The following HDHD5 variants were observed in gnomAD, a reference collection of about 807,000 sequenced individuals.
HDHD5 encodes the protein haloacid dehalogenase-like hydrolase domain-containing 5.
Under a neutral mutation model 35.5 loss-of-function variants are expected in HDHD5, and 34 were observed. The observed-to-expected ratio is 0.96, with a 90% CI of 0.73 to 1.28. The LOEUF (loss-of-function observed/expected upper bound fraction) is 1.28. HDHD5 is among the 50% of genes most tolerant of loss of function. HDHD5 has a pLI of 0.00. For synonymous variants in HDHD5, 248 were observed against 240.6 expected, an observed-to-expected ratio of 1.03 and a Z score of -0.29; for missense variants, 589 against 560.2, an observed-to-expected ratio of 1.05 and a Z score of -0.52.
At chr22:17,145,452 C>A (rs2061651609) in intron 3 of HDHD5, among the ~76,000 whole-genome samples, 1 of 152,140 alleles carries the variant, frequency 6.6e-6, no homozygotes, top group African/African-American at 2.4e-5. Context: ...GCCTGAAATC[C>A]CAGCACTTTG....
At chr22:17,145,212 C>A (rs1568942803) in intron 3 of HDHD5, 95 bp from the exon 4 acceptor site, 1 of 1,554,346 alleles carries the variant, frequency 6.4e-7, no homozygotes, top group African/African-American at 1.4e-5. Context: ...CAACCCACTC[C>A]TGATCAAGCC....
At chr22:17,158,920 G>A (rs2061834453) in intron 1 of HDHD5, 1 of 375,070 alleles carries the variant, frequency 2.7e-6, no homozygotes, top group Admixed American at 5.0e-5. Flanking sequence ...CGCGGGAGTA[G>A]CGTTTCCGAG....
At position 17,137,978 on chromosome 22, in the gene HDHD5, C is replaced by T; in HGVS notation, c.*43G>A. ...GCCAGAGCCCAGCCAATGGGACTCG[C>T]CCACAGGTCCAGGCTCACCCCCTCA... On this transcript the variant is annotated 3_prime_UTR_variant, in exon 8 of 8. Transcript: ENST00000336737. 1 of 1,532,046 alleles carries T rather than the reference C, an allele frequency of 6.5e-7. No homozygotes were observed. 94.9% of individuals were successfully genotyped at this position (1,532,046 alleles called of 1,614,324 possible).
intron 4 of HDHD5, 134 bp downstream of exon 4, chr22:17,144,890 G>GC: frequency 9.2e-7 from 1 of 1,087,716 alleles, no homozygotes; most frequent in South Asian, 1.4e-5. Context: ...AAAACCCTTA[G>GC]CCAGATGTGC....
intron 5 of HDHD5, 35 bp from the exon 6 acceptor site, chr22:17,141,268 G>A: frequency 6.4e-7 from 1 of 1,557,046 alleles, no homozygotes; most frequent in Non-Finnish European, 8.6e-7. Context: ...AGGGCTGCAG[G>A]GCAGATGGCA....
intron 3 of HDHD5, among the ~76,000 whole-genome samples, 195 bp downstream of exon 3, chr22:17,148,253 T>C (rs916424239): frequency 1.3e-5 from 2 of 152,142 alleles, no homozygotes; most frequent in Non-Finnish European, 2.9e-5. Flanking sequence ...TGCAGGGGTA[T>C]GAGAACTGGC....
intron 1 of HDHD5, among the ~76,000 whole-genome samples, chr22:17,152,694 T>C (rs1189859841): frequency 2.6e-5 from 4 of 151,946 alleles, no homozygotes; most frequent in African/African-American, 7.3e-5. Context: ...TACTTAATAA[T>C]GGACCACACA....
At position 17,138,756 on chromosome 22, in the gene HDHD5, G is replaced by A. The variant is rs779251158; in HGVS notation, c.747-18C>T. The A allele has an allele frequency of 9.9e-6, 16 of 1,613,752 alleles. No homozygotes were observed. Among genetic ancestry groups the A allele is most frequent in the African/African-American group, 8.0e-5 (6 of 74,928 alleles). ...GTCCAAACCTGCCAGAAACGAGCAC[G>A]CAGCAGTTCAGTCTTCCTGATCTCC... is the stretch of plus-strand genomic sequence containing the variant. On this transcript the variant is annotated intron_variant, in intron 6 of 7. Transcript: ENST00000336737.
chr22:17,140,329 T>C (rs1189339059), intron 6 of HDHD5, among the ~76,000 whole-genome samples: 1 of 152,166 alleles, frequency 6.6e-6, no homozygotes, highest in Admixed American at 6.6e-5. Context: ...ACAGGACACA[T>C]GACACCAACA....
At chr22:17,163,286 C>T (rs562326639), upstream of HDHD5, among the ~76,000 whole-genome samples, 21 of 152,264 alleles carry the variant, frequency 1.4e-4, no homozygotes, top group Non-Finnish European at 2.6e-4. Flanking sequence ...ACTTGCCCCA[C>T]CTTGCTACCT....
At chr22:17,151,259 T>C (rs1419583321) in intron 1 of HDHD5, among the ~76,000 whole-genome samples, 1 of 152,254 alleles carries the variant, frequency 6.6e-6, no homozygotes, top group Non-Finnish European at 1.5e-5. Context: ...TTAAAAATCA[T>C]TCCATTTCTC....
intron 1 of HDHD5, among the ~76,000 whole-genome samples, chr22:17,157,356 C>T (rs2061810210): frequency 6.6e-6 from 1 of 151,070 alleles, no homozygotes; most frequent in African/African-American, 2.4e-5. Context: ...CAACCTCCCT[C>T]CCAGGTTCAA....
intron 5 of HDHD5, chr22:17,142,885 G>A (rs541353751): frequency 1.5e-5 from 8 of 517,826 alleles, no homozygotes; most frequent in Admixed American, 4.2e-5. Context: ...CTAAGCTTAC[G>A]GTTTTCCTGG....
chr22:17,159,237 GC>G lies in HDHD5; in HGVS notation c.14del (p.Gly5AlafsTer59), dbSNP rs2061841140. On this transcript the variant is annotated frameshift_variant, in exon 1 of 8. Transcript: ENST00000336737. LOFTEE classifies it high-confidence loss of function. ...GCGCCGCGCCGAGCGCAGCCACACA[GC>G]CCCACGCAGCCATCCGGCCGTCGCC... Reference protein sequence around the residue: MAAWGCVAALGAARG... With the variant: MAAWXCVAALGAARG... 2 of 1,215,982 alleles carry G rather than the reference GC, an allele frequency of 1.6e-6. No individual in the cohort carries two copies. The highest frequency in any genetic ancestry group is 2.0e-6 in the Non-Finnish European group (2 of 977,894). 75.3% of individuals were successfully genotyped at this position (1,215,982 alleles called of 1,614,324 possible). A position where few individuals can be genotyped will look rare whatever the true frequency, so the allele number is the denominator to read the frequency against.
chr22:17,147,343 CCCA>C (rs1419408483), intron 3 of HDHD5, among the ~76,000 whole-genome samples: 2 of 100,624 alleles, frequency 2.0e-5, no homozygotes, highest in African/African-American at 8.4e-5. Flanking sequence ...TCGCACACGC[CCCA>C]CACCTGTGGC....
At chr22:17,140,564 G>A (rs1050737283) in intron 6 of HDHD5, among the ~76,000 whole-genome samples, 1 of 152,110 alleles carries the variant, frequency 6.6e-6, no homozygotes, top group African/African-American at 2.4e-5. Flanking sequence ...CAGCCTGGAT[G>A]AGAGAGTGAG....
At chr22:17,162,870 TG>T (rs1324716819), upstream of HDHD5, among the ~76,000 whole-genome samples, 1 of 152,220 alleles carries the variant, frequency 6.6e-6, no homozygotes, top group African/African-American at 2.4e-5. Flanking sequence ...CTCTATCCTT[TG>T]GGCAGTGCTG....
At position 17,159,242 on chromosome 22, in the gene HDHD5, A is replaced by C. The variant is rs1263650512; in HGVS notation, c.10T>G (p.Trp4Gly). The C allele has an allele frequency of 4.0e-5, 47 of 1,188,108 alleles. No individual in the cohort carries two copies. Among genetic ancestry groups the C allele is most frequent in the African/African-American group, 3.1e-4 (17 of 54,344 alleles). The allele number at this position is 1,188,108 out of a possible 1,614,324, so 73.6% of individuals were successfully genotyped here. Residue 4 changes from tryptophan (W) to glycine (G), a missense_variant, in exon 1 of 8, where the codon TGG (tryptophan) becomes GGG (glycine). Physicochemically the swap from Trp to Gly is radical, Grantham distance 184 (BLOSUM62 -2). Coordinates refer to ENST00000336737, the MANE Select transcript of HDHD5 (RefSeq NM_033070.3). ...GCGCCGAGCGCAGCCACACAGCCCC[A>C]CGCAGCCATCCGGCCGTCGCCGTGC... MAA[W>G]GCVAALGAAR... is the part of the protein sequence containing the mutation.
chr22:17,147,771 G>A lies in HDHD5; in HGVS notation c.443+677C>T, dbSNP rs187965541. 2.7e-3 allele frequency among the ~76,000 whole-genome samples: 406 copies of A among 149,362 alleles called. 2 individuals carry two copies. Among genetic ancestry groups the A allele is most frequent in the African/African-American group, 9.6e-3 (387 of 40,296 alleles). On this transcript the variant is annotated intron_variant, in intron 3 of 7. Coordinates refer to ENST00000336737, the MANE Select transcript of HDHD5 (RefSeq NM_033070.3). Reference sequence around the variant, plus strand: ...CCTTCGATCACACGCCATCACACACGCCCCACACCTGTGACGCCCTCCTGT... The same window carrying A: ...CCTTCGATCACACGCCATCACACACACCCCACACCTGTGACGCCCTCCTGT...
Sources: allele counts gnomAD v4.1 joint callset (sites outside exome capture counted in the v4.1 genomes callset), GRCh38; gene constraint gnomAD v4.1.1; transcripts MANE v1.5; gene names NCBI Gene and HGNC (gene_info 2026-07-23, HGNC 2026-07-21).